The following NELL1 variants were observed in gnomAD, a reference collection of about 807,000 sequenced individuals.
NELL1 encodes the protein neural EGFL like 1.
A neutral mutation model predicts 107.4 loss-of-function variants in NELL1; 76 were observed. The ratio of observed to expected loss-of-function variants is 0.71; its 90% CI spans 0.59 to 0.86. The LOEUF (loss-of-function observed/expected upper bound fraction) is 0.86, where lower values mean the gene tolerates loss of function less well. NELL1 is among the 40% of genes least tolerant of loss of function. NELL1 has a pLI of 0.00. For missense variants in NELL1, 1,024 were observed against 1,005.5 expected (o/e 1.02, Z -0.25); for synonymous variants, 353 against 341.2 (o/e 1.03, Z -0.38).
chr11:21,509,672 A>C (rs79263687), intron 15 of NELL1, among the ~76,000 whole-genome samples: 21,729 of 152,156 alleles, frequency 0.14, 1,658 homozygotes, highest in Non-Finnish European at 0.17. Context: ...ATACACAGGA[A>C]TGATAAAACT....
At chr11:21,437,739 C>G (rs927073848) in intron 15 of NELL1, among the ~76,000 whole-genome samples, 4 of 152,108 alleles carry the variant, frequency 2.6e-5, no homozygotes, top group Non-Finnish European at 5.9e-5. Flanking sequence ...ATTTTGTTTT[C>G]CATTTGTATG....
At chr11:21,539,246 C>G (rs959331331) in intron 16 of NELL1, among the ~76,000 whole-genome samples, 1 of 152,076 alleles carries the variant, frequency 6.6e-6, no homozygotes, top group Non-Finnish European at 1.5e-5. Context: ...CTTTTGGGCT[C>G]TGGCCCCACA....
At chr11:21,474,099 T>G (rs966272908) in intron 15 of NELL1, among the ~76,000 whole-genome samples, 14 of 152,094 alleles carry the variant, frequency 9.2e-5, no homozygotes, top group African/African-American at 3.1e-4. Flanking sequence ...TATGAGATTC[T>G]GCATAATCTG....
intron 10 of NELL1, among the ~76,000 whole-genome samples, chr11:20,946,712 T>G (rs1850968680): frequency 6.6e-6 from 1 of 152,230 alleles, no homozygotes; most frequent in Non-Finnish European, 1.5e-5. Flanking sequence ...GAGTTAATTA[T>G]TATTCTATGA....
chr11:20,776,326 C>T (rs1856749102), intron 2 of NELL1, among the ~76,000 whole-genome samples: 1 of 151,980 alleles, frequency 6.6e-6, no homozygotes, highest in Admixed American at 6.6e-5. Flanking sequence ...GTAGTCCCAG[C>T]TACTTGGGAG....
chr11:20,817,685 GGTTA>G (rs1306787779), intron 3 of NELL1, among the ~76,000 whole-genome samples: 1 of 149,880 alleles, frequency 6.7e-6, no homozygotes, highest in East Asian at 2.0e-4. Flanking sequence ...CTTGCTTTGG[GGTTA>G]GTTTGTTGTC....
intron 15 of NELL1, among the ~76,000 whole-genome samples, chr11:21,437,826 G>T (rs1051034697): frequency 6.6e-6 from 1 of 152,074 alleles, no homozygotes; most frequent in Admixed American, 6.6e-5. Flanking sequence ...GCATATTTGG[G>T]TCTTTTTTTA....
chr11:21,467,022 T>C (rs886959468), intron 15 of NELL1, among the ~76,000 whole-genome samples: 1 of 152,104 alleles, frequency 6.6e-6, no homozygotes, highest in African/African-American at 2.4e-5. Context: ...AGTTTTGATA[T>C]ACACTGTATT....
chr11:20,861,230 A>T (rs7925864), intron 4 of NELL1, among the ~76,000 whole-genome samples: 37,952 of 152,046 alleles, frequency 0.25, 7,281 homozygotes, highest in African/African-American at 0.54. Flanking sequence ...TTCTTCAGAT[A>T]TTTTCTTTGC....
chr11:20,918,379 A>G (rs1206131094), intron 6 of NELL1, 125 bp downstream of exon 6: 2 of 624,274 alleles, frequency 3.2e-6, no homozygotes, highest in Non-Finnish European at 5.7e-6. Context: ...GAGATAGTGA[A>G]AGAGAACTTA....
intron 2 of NELL1, among the ~76,000 whole-genome samples, chr11:20,756,378 G>A (rs1590265192): frequency 6.7e-6 from 1 of 149,264 alleles, no homozygotes; most frequent in African/African-American, 2.5e-5. Flanking sequence ...TCACTCTTTC[G>A]CCCAGGCTGG....
intron 2 of NELL1, among the ~76,000 whole-genome samples, chr11:20,696,318 CT>C (rs1482413245): frequency 1.3e-5 from 2 of 151,886 alleles, no homozygotes; most frequent in Non-Finnish European, 2.9e-5. Context: ...CTTCTGCTAG[CT>C]TTGGGGTTAG....
At chr11:21,434,246 T>C (rs561550902) in intron 15 of NELL1, among the ~76,000 whole-genome samples, 1 of 152,328 alleles carries the variant, frequency 6.6e-6, no homozygotes, top group South Asian at 2.1e-4. Flanking sequence ...TTCTAAAATC[T>C]TACCCATAAA....
chr11:21,078,405 C>T (rs570177439), intron 12 of NELL1, among the ~76,000 whole-genome samples: 1 of 152,024 alleles, frequency 6.6e-6, no homozygotes, highest in South Asian at 2.1e-4. Flanking sequence ...AATATCAAAG[C>T]CAGTTGCTCA....
intron 5 of NELL1, among the ~76,000 whole-genome samples, chr11:20,889,555 G>A (rs900497207): frequency 3.3e-5 from 5 of 152,162 alleles, no homozygotes; most frequent in African/African-American, 1.2e-4. Context: ...ACAAATCTCA[G>A]TGATTATTAT....
intron 12 of NELL1, among the ~76,000 whole-genome samples, chr11:20,961,179 C>T (rs1851282766): frequency 6.6e-6 from 1 of 152,138 alleles, no homozygotes. Flanking sequence ...GAAAGCAACT[C>T]CTCCGTCTTA....
At chr11:20,985,029 T>C (rs1851824251) in intron 12 of NELL1, among the ~76,000 whole-genome samples, 1 of 152,144 alleles carries the variant, frequency 6.6e-6, no homozygotes, top group Non-Finnish European at 1.5e-5. Flanking sequence ...TGCTGAAAAA[T>C]ATGTAAAATA....
chr11:20,700,548 G>A (rs773194468), intron 2 of NELL1, among the ~76,000 whole-genome samples: 8 of 151,986 alleles, frequency 5.3e-5, no homozygotes, highest in Non-Finnish European at 1.0e-4. Context: ...TAGGATACAT[G>A]TGCACAACAT....
At chr11:21,070,397 C>T (rs1445588178) in intron 12 of NELL1, among the ~76,000 whole-genome samples, 1 of 152,030 alleles carries the variant, frequency 6.6e-6, no homozygotes, top group African/African-American at 2.4e-5. Context: ...GTTTTTTATA[C>T]TCTCCAAATG....
Sources: allele counts gnomAD v4.1 joint callset (sites outside exome capture counted in the v4.1 genomes callset), GRCh38; gene constraint gnomAD v4.1.1; transcripts MANE v1.5; gene names NCBI Gene and HGNC (gene_info 2026-07-23, HGNC 2026-07-21).